The following TBC1D10A variants were observed in gnomAD, a reference collection of about 807,000 sequenced individuals.
TBC1D10A encodes the protein EBP50-PDX interactor of 64 kDa.
A neutral mutation model predicts 52.9 loss-of-function variants in TBC1D10A; 24 were observed. The observed-to-expected ratio is 0.45, with a 90% CI of 0.33 to 0.64. The LOEUF is 0.64. Ranked by LOEUF, TBC1D10A falls within the 30% of genes least tolerant of loss-of-function variation. The pLI is 0.02. For synonymous variants in TBC1D10A, 278 were observed against 282.9 expected (o/e 0.98, Z 0.17); for missense variants, 602 against 687.9 (o/e 0.88, Z 1.40).
intron 3 of TBC1D10A, chr22:30,296,745 C>G (rs1016436590): frequency 6.6e-6 from 1 of 152,222 alleles, no homozygotes; most frequent in Non-Finnish European, 1.5e-5. Flanking sequence ...TATCAAAACT[C>G]ACTGAACTGC....
chr22:30,326,925 G>A lies in TBC1D10A; in HGVS notation c.-44C>T, dbSNP rs1930795294. 3 of 1,387,094 alleles carry A rather than the reference G, an allele frequency of 2.2e-6. No individual in the cohort carries two copies. The highest frequency in any genetic ancestry group is 1.6e-5 in the South Asian group (1 of 62,800). 85.9% of individuals were successfully genotyped at this position (1,387,094 alleles called of 1,614,324 possible). ...CTGAGCTCCAGCGGCCACCTCAGCCGCCCTGCTGCCGCCGACGCCCCGCCC... is the reference window on the plus strand; with the variant it reads ...CTGAGCTCCAGCGGCCACCTCAGCCACCCTGCTGCCGCCGACGCCCCGCCC... On this transcript the variant is annotated 5_prime_UTR_variant, in exon 1 of 9. Transcript: ENST00000215790.
At chr22:30,313,021 G>A (rs1025231473) in intron 1 of TBC1D10A, among the ~76,000 whole-genome samples, 9 of 152,190 alleles carry the variant, frequency 5.9e-5, no homozygotes, top group African/African-American at 1.9e-4. Flanking sequence ...GGGTGAGGAC[G>A]GGCTGTTTAG....
intron 2 of TBC1D10A, among the ~76,000 whole-genome samples, chr22:30,304,287 A>AAG (rs906603392): frequency 4.9e-4 from 75 of 152,310 alleles, no homozygotes; most frequent in African/African-American, 1.7e-3. Flanking sequence ...GCTGTTGGCT[A>AAG]AGAGTGGCTT....
At chr22:30,295,450 C>T (rs537381302) in intron 4 of TBC1D10A, among the ~76,000 whole-genome samples, 3 of 152,336 alleles carry the variant, frequency 2.0e-5, no homozygotes, top group African/African-American at 7.2e-5. Context: ...TGCATACCCT[C>T]CACTCACCCA....
chr22:30,293,487 T>C, intron 8 of TBC1D10A, 164 bp downstream of exon 8: 1 of 1,071,638 alleles, frequency 9.3e-7, no homozygotes, highest in Non-Finnish European at 1.4e-6. Context: ...CCCCATGCTC[T>C]TCACCAGACA....
rs773758924 is a variant in TBC1D10A, at chr22:30,304,638, G to A, written c.210-8C>T. 1.4e-5 allele frequency: 23 copies of A among 1,613,676 alleles called. No individual in the cohort carries two copies. The highest frequency in any genetic ancestry group is 1.9e-5 in the Non-Finnish European group (22 of 1,179,850). On this transcript the variant is annotated splice_polypyrimidine_tract_variant and splice_region_variant and intron_variant, in intron 1 of 8. Coordinates refer to ENST00000215790, the MANE Select transcript of TBC1D10A (RefSeq NM_031937.3). ...AGGGGTACTTCCTCCAGCCTGTGGA[G>A]CAGAGGGCAGGGCCTGTGAGAGGTG...
intron 1 of TBC1D10A, among the ~76,000 whole-genome samples, chr22:30,308,798 G>A (rs1160411553): frequency 6.6e-6 from 1 of 152,170 alleles, no homozygotes; most frequent in Admixed American, 6.5e-5. Flanking sequence ...CTGCATCAGG[G>A]CTACAAGCTA....
rs895920172 is a variant in TBC1D10A at position 30,292,095 on chromosome 22, C to G, written c.*280G>C. On this transcript the variant is annotated 3_prime_UTR_variant, in exon 9 of 9. Transcript: ENST00000215790. ...CCAGCACCCTAACCCTGGGGAGCATCCCCCAGGAGGAGGGGGCTGAAGGAG... is the reference window on the plus strand; with the variant it reads ...CCAGCACCCTAACCCTGGGGAGCATGCCCCAGGAGGAGGGGGCTGAAGGAG... 1.8e-5 allele frequency: 7 copies of G among 391,962 alleles called. No individual in the cohort carries two copies. The South Asian group carries it at 3.8e-4, about 21-fold the overall frequency. The allele number at this position is 391,962 out of a possible 1,614,324, so 24.3% of individuals were successfully genotyped here.
chr22:30,309,241 A>AT (rs5844902), intron 1 of TBC1D10A, among the ~76,000 whole-genome samples: 30,295 of 145,592 alleles, frequency 0.21, 3,251 homozygotes, highest in Middle Eastern at 0.36. Context: ...GTAATCTGCC[A>AT]TTTTTTTTTT....
intron 1 of TBC1D10A, among the ~76,000 whole-genome samples, chr22:30,320,734 A>G (rs1930635368): frequency 6.6e-6 from 1 of 152,228 alleles, no homozygotes; most frequent in African/African-American, 2.4e-5. Flanking sequence ...GAGCTGCTCC[A>G]GTCTTTAAGA....
intron 1 of TBC1D10A, among the ~76,000 whole-genome samples, chr22:30,312,619 C>A (rs1342876986): frequency 1.3e-5 from 2 of 152,198 alleles, no homozygotes; most frequent in African/African-American, 2.4e-5. Context: ...CAGGCCCTGG[C>A]TCTCAAGGCC....
At position 30,292,505 on chromosome 22, in the gene TBC1D10A, G is replaced by A. The variant is rs145310510; in HGVS notation, c.1397C>T (p.Pro466Leu). ...TGAGTCCTTCGGGGGCACATGCTGT[G>A]GGGGACATGCATCTCCTGCAGCGGC... The part of the protein sequence containing the change: ...VVAAAGDACP[P>L]QHVPPKDSAP... Residue 466 changes from proline to leucine, a missense_variant, in exon 9 of 9, where the codon CCA becomes CTA. Around this residue, in one of 3 missense-constraint regions of TBC1D10A, gnomAD observed 265 missense variants for 275.1 expected, o/e 0.96. Coordinates refer to ENST00000215790, the MANE Select transcript of TBC1D10A (RefSeq NM_031937.3). The A allele has an allele frequency of 2.5e-6, 4 of 1,610,150 alleles. No homozygotes were observed. The highest frequency in any genetic ancestry group is 1.3e-5 in the African/African-American group (1 of 74,870).
intron 2 of TBC1D10A, among the ~76,000 whole-genome samples, chr22:30,300,187 C>T (rs1319729229): frequency 6.6e-6 from 1 of 151,938 alleles, no homozygotes; most frequent in South Asian, 2.1e-4. Flanking sequence ...CTGGCTCACA[C>T]CTGTAATCCC....
intron 1 of TBC1D10A, among the ~76,000 whole-genome samples, chr22:30,308,296 C>CCTGCCTGCCTGCATGCCTGCATGCCTGCA (rs879386326): frequency 3.9e-5 from 3 of 76,476 alleles, no homozygotes; most frequent in East Asian, 5.8e-4. Flanking sequence ...GCCTGCATGC[C>CCTGCCTGCCTGCATGCCTGCATGCCTGCA]TGCATGCCTG....
intron 1 of TBC1D10A, among the ~76,000 whole-genome samples, chr22:30,305,011 T>C (rs918172029): frequency 2.0e-5 from 3 of 152,134 alleles, no homozygotes; most frequent in African/African-American, 7.2e-5. Context: ...AGGTGCAGAG[T>C]TGAACACAAA....
At chr22:30,301,708 CAA>C (rs771439310) in intron 2 of TBC1D10A, among the ~76,000 whole-genome samples, 1 of 152,108 alleles carries the variant, frequency 6.6e-6, no homozygotes, top group Non-Finnish European at 1.5e-5. Context: ...CCAGTGCAAA[CAA>C]GAGAAAACTT....
chr22:30,296,568 C>T (rs746726310), intron 3 of TBC1D10A: 1 of 152,338 alleles, frequency 6.6e-6, no homozygotes, highest in Non-Finnish European at 1.5e-5. Flanking sequence ...TCTCTGGGTG[C>T]CGAGGTTTCA....
Position 30,299,548 on chromosome 22 carries a change from G to C in TBC1D10A, c.313C>G (p.Arg105Gly), listed in dbSNP as rs569436004. ...KWMAKKHKKI[R>G]LRCQKGIPPS... ...GGGATGCCCTTTTGGCACCGCAGAC[G>C]AATCTGAAAATCAAAAGGACAGCTG... Residue 105 changes from arginine to glycine, a missense_variant, in exon 3 of 9, where the codon CGT (arginine) becomes GGT (glycine). Around this residue, in one of 3 missense-constraint regions of TBC1D10A, gnomAD observed 201 missense variants for 204.4 expected, o/e 0.98. Coordinates refer to ENST00000215790, the MANE Select transcript of TBC1D10A (RefSeq NM_031937.3). 11 of 1,613,838 alleles carry C rather than the reference G, an allele frequency of 6.8e-6. No homozygotes were observed. The highest frequency in any genetic ancestry group is 1.7e-6 in the Non-Finnish European group (2 of 1,179,882).
At chr22:30,294,173 C>T (rs1376413426) in intron 6 of TBC1D10A, 63 bp from the exon 7 acceptor site, 5 of 1,568,564 alleles carry the variant, frequency 3.2e-6, no homozygotes, top group African/African-American at 2.7e-5. Flanking sequence ...GCAGAGACTA[C>T]ACCCCAGCAC....
Sources: allele counts gnomAD v4.1 joint callset (sites outside exome capture counted in the v4.1 genomes callset), GRCh38; gene constraint gnomAD v4.1.1; regional missense constraint gnomAD v4.1.1; transcripts MANE v1.5; gene names NCBI Gene and HGNC (gene_info 2026-07-23, HGNC 2026-07-21).